Variants in CNPY3 observed in about 807,000 individuals in gnomAD.
CNPY3 encodes canopy FGF signaling regulator 3.
A neutral mutation model predicts 32.0 loss-of-function variants in CNPY3; 20 were observed. The ratio of observed to expected loss-of-function variants is 0.63; its 90% CI spans 0.44 to 0.91. The LOEUF (loss-of-function observed/expected upper bound fraction) is 0.91, where lower values mean the gene tolerates loss of function less well. Ranked by LOEUF, CNPY3 falls within the 40% of genes least tolerant of loss-of-function variation. The pLI is 0.00. For synonymous variants in CNPY3, 138 were observed against 142.9 expected (o/e 0.97, Z 0.24); for missense variants, 299 against 340.8 (o/e 0.88, Z 0.97).
At chr6:42,937,507 T>G (rs1768315056) in intron 3 of CNPY3, among the ~76,000 whole-genome samples, 1 of 151,396 alleles carries the variant, frequency 6.6e-6, no homozygotes, top group Non-Finnish European at 1.5e-5. Flanking sequence ...AGCAGGAAAA[T>G]CGCTTGAACC....
rs893968032 is a variant in CNPY3 at position 42,929,650 on chromosome 6, C to T, written c.80C>T (p.Ala27Val). ...LLLLLLLLLP[A>V]PELGPSQAGA... The stretch of plus-strand genomic sequence containing the variant: ...CTGCTGCTGCTGCTGCTGCTGCCGG[C>T]CCCGGAGCTGGGCCCGAGCCAGGCC... The change falls in exon 1 of 6, where the codon GCC becomes GTC. Residue 27 changes from alanine to valine, a missense_variant. Coordinates refer to ENST00000372836, the MANE Select transcript of CNPY3 (RefSeq NM_006586.5). The T allele has an allele frequency of 2.3e-5, 36 of 1,553,738 alleles. No homozygotes were observed. The highest frequency in any genetic ancestry group is 3.0e-5 in the Non-Finnish European group (35 of 1,149,374).
At position 42,937,974 on chromosome 6, in the gene CNPY3, C is replaced by T. The variant is rs1028466596; in HGVS notation, c.496-116C>T. 17 of 1,459,530 alleles carry T rather than the reference C, an allele frequency of 1.2e-5. No individual in the cohort carries two copies. The African/African-American group carries it at 1.8e-4, about 16-fold the overall frequency. The allele number at this position is 1,459,530 out of a possible 1,614,324, so 90.4% of individuals were successfully genotyped here. On this transcript the variant is annotated intron_variant, in intron 4 of 5. Coordinates refer to ENST00000372836, the MANE Select transcript of CNPY3 (RefSeq NM_006586.5). ...ATTTCACCTCTCTGGCCTCAGTTTC[C>T]TTAGGTGAACCGCTGCCACTGCCTA...
At position 42,938,768 on chromosome 6, in the gene CNPY3, C is replaced by A; in HGVS notation, c.814C>A (p.His272Asn). The A allele has an allele frequency of 6.2e-7, 1 of 1,612,454 alleles. No homozygotes were observed. The highest frequency in any genetic ancestry group is 1.1e-5 in the South Asian group (1 of 90,844). The change falls in exon 6 of 6, where the codon CAC (histidine) becomes AAC (asparagine). Residue 272 changes from histidine to asparagine, a missense_variant. By Grantham distance (68) the His-to-Asn change is moderately conservative. Around this residue, in one of 2 missense-constraint regions of CNPY3, gnomAD observed 211 missense variants for 278.3 expected, o/e 0.76. Transcript: ENST00000372836. ...EGIQKASPLT[H>N]SPPDEL is the part of the protein sequence containing the mutation. ...CATCCAGAAGGCATCCCCTCTCACA[C>A]ACAGCCCCCCTGATGAGCTCTGAGC...
Position 42,935,661 on chromosome 6 carries a change from AT to A in CNPY3, c.366del (p.Phe122LeufsTer23). 1 of 1,608,700 alleles carries A rather than the reference AT, an allele frequency of 6.2e-7. No homozygotes were observed. The highest frequency in any genetic ancestry group is 2.2e-5 in the East Asian group (1 of 44,772). ...LHKERTGSNR[F>X]AKGMSETFET... ...ACAAGGAGAGGACCGGCAGCAATCGATTTGCCAAGGTTGGATTCGGGATTGT... is the reference window on the plus strand; with the variant it reads ...ACAAGGAGAGGACCGGCAGCAATCGATTGCCAAGGTTGGATTCGGGATTGT... On this transcript the variant is annotated frameshift_variant, in exon 3 of 6. Coordinates refer to ENST00000372836, the MANE Select transcript of CNPY3 (RefSeq NM_006586.5). LOFTEE classifies it high-confidence loss of function.
upstream of CNPY3, chr6:42,929,146 T>C (rs1402012400): frequency 6.1e-6 from 1 of 163,630 alleles, no homozygotes; most frequent in Non-Finnish European, 1.3e-5. Flanking sequence ...AAGACGGCCT[T>C]CCCCACATCT....
Position 42,935,007 on chromosome 6 carries a change from G to A in CNPY3, c.275+409G>A, listed in dbSNP as rs150798172. ...AGCCTCCCAAGTAGCTGGGATTACA[G>A]GCATGTGCCATCACGCCCAGCTAAT... On this transcript the variant is annotated intron_variant, in intron 2 of 5. Coordinates refer to ENST00000372836, the MANE Select transcript of CNPY3 (RefSeq NM_006586.5). 2.4e-4 allele frequency among the ~76,000 whole-genome samples: 37 copies of A among 152,296 alleles called. No individual in the cohort carries two copies. The East Asian group carries it at 6.4e-3, about 26-fold the overall frequency.
At chr6:42,938,417 C>A (rs567029912) in intron 5 of CNPY3, 151 bp from the exon 6 acceptor site, 23 of 825,680 alleles carry the variant, frequency 2.8e-5, no homozygotes, top group East Asian at 2.6e-4. Context: ...CCCAGAGGGG[C>A]CTGGTGGCCA....
intron 3 of CNPY3, among the ~76,000 whole-genome samples, chr6:42,937,368 T>C (rs2114180309): frequency 6.6e-6 from 1 of 152,016 alleles, no homozygotes; most frequent in African/African-American, 2.4e-5. Flanking sequence ...TTTGGGAGGC[T>C]GAGGTGAGTG....
At chr6:42,930,243 C>T (rs760715590) in intron 1 of CNPY3, among the ~76,000 whole-genome samples, 23 of 152,150 alleles carry the variant, frequency 1.5e-4, no homozygotes, top group Non-Finnish European at 2.1e-4. Context: ...CTAAGACTTT[C>T]CCCTTTTGCC....
chr6:42,938,440 G>A, intron 5 of CNPY3, 128 bp from the exon 6 acceptor site: 1 of 938,574 alleles, frequency 1.1e-6, no homozygotes, highest in South Asian at 1.7e-5. Context: ...GCGAGAGGCA[G>A]GAGGCAGGGA....
In CNPY3 at chr6:42,938,838, G is replaced by A; in HGVS notation, c.*47G>A. ...CTGAGACCCCTGATTTTGAAGCTGA[G>A]GAGTCAGGGGCATGGCTCTGGCAGG... On this transcript the variant is annotated 3_prime_UTR_variant, in exon 6 of 6. Transcript: ENST00000372836. 1 of 1,513,154 alleles carries A rather than the reference G, an allele frequency of 6.6e-7. No individual in the cohort carries two copies. Among genetic ancestry groups the A allele is most frequent in the Non-Finnish European group, 8.9e-7 (1 of 1,125,734 alleles). The allele number at this position is 1,513,154 out of a possible 1,614,324, so 93.7% of individuals were successfully genotyped here.
chr6:42,932,579 A>G (rs180954115), intron 1 of CNPY3, among the ~76,000 whole-genome samples: 2 of 152,298 alleles, frequency 1.3e-5, no homozygotes, highest in Non-Finnish European at 2.9e-5. Context: ...AGGATGTTCC[A>G]AACCTCCCCT....
Position 42,938,184 on chromosome 6 carries a change from A to G in CNPY3, c.590A>G (p.His197Arg). The change falls in exon 5 of 6, where the codon CAC becomes CGC. Residue 197 changes from histidine to arginine, a missense_variant. This residue lies in a region of CNPY3 where 211 missense variants were observed against 278.3 expected (regional missense o/e 0.76). Coordinates refer to ENST00000372836, the MANE Select transcript of CNPY3 (RefSeq NM_006586.5). ...CTGACTGAATTCCTCTGCGCCAACC[A>G]CGTGCTGAAGGGAAAAGACACCAGT... ...EDLTEFLCANHVLKGKDTSCL... is the reference protein window; with the variant it reads ...EDLTEFLCANRVLKGKDTSCL... 1 of 1,614,034 alleles carries G rather than the reference A, an allele frequency of 6.2e-7. No individual in the cohort carries two copies.
intron 2 of CNPY3, among the ~76,000 whole-genome samples, chr6:42,935,208 C>T (rs1768131647): frequency 1.3e-5 from 2 of 152,088 alleles, no homozygotes; most frequent in African/African-American, 4.8e-5. Flanking sequence ...GGATTACCAG[C>T]TTTTTATTTT....
chr6:42,935,340 A>C (rs1304279067), intron 2 of CNPY3: 1 of 777,508 alleles, frequency 1.3e-6, no homozygotes, highest in Non-Finnish European at 1.6e-6. Context: ...CTAAATACTG[A>C]ATCATTTAGC....
At chr6:42,929,328 A>T, upstream of CNPY3, 1 of 540,156 alleles carries the variant, frequency 1.9e-6, no homozygotes, top group Admixed American at 3.3e-5. Context: ...GGGCGTAAAA[A>T]GATAGTCTTC....
In CNPY3 at chr6:42,938,801, G is replaced by C; in HGVS notation, c.*10G>C. The C allele has an allele frequency of 6.3e-7, 1 of 1,581,874 alleles. No homozygotes were observed. Reference sequence around the variant, plus strand: ...CCCTGATGAGCTCTGAGCCCACCCAGCATCCTCTGTCCTGAGACCCCTGAT... The same window carrying C: ...CCCTGATGAGCTCTGAGCCCACCCACCATCCTCTGTCCTGAGACCCCTGAT... On this transcript the variant is annotated 3_prime_UTR_variant, in exon 6 of 6. Coordinates refer to ENST00000372836, the MANE Select transcript of CNPY3 (RefSeq NM_006586.5).
intron 1 of CNPY3, among the ~76,000 whole-genome samples, chr6:42,933,800 A>G (rs1377863264): frequency 6.6e-6 from 1 of 152,248 alleles, no homozygotes; most frequent in African/African-American, 2.4e-5. Flanking sequence ...GTGGCAAACT[A>G]TTAACAACTG....
Position 42,939,056 on chromosome 6 carries a change from G to T in CNPY3, c.*265G>T, listed in dbSNP as rs542399759. ...TGGTTTCAGGACTGCAAGGACTCCA[G>T]TGTGAACTCAGGAGGGGCAGGTGTC... On this transcript the variant is annotated 3_prime_UTR_variant, in exon 6 of 6. Coordinates refer to ENST00000372836, the MANE Select transcript of CNPY3 (RefSeq NM_006586.5). 2.4e-6 allele frequency: 3 copies of T among 1,255,118 alleles called. No individual in the cohort carries two copies. The African/African-American group carries it at 4.6e-5, about 19-fold the overall frequency. The allele number at this position is 1,255,118 out of a possible 1,614,324, so 77.7% of individuals were successfully genotyped here. A position where few individuals can be genotyped will look rare whatever the true frequency, so the allele number is the denominator to read the frequency against.
Sources: gnomAD v4.1 joint callset for allele counts (sites outside exome capture counted in the v4.1 genomes callset) on GRCh38, gnomAD v4.1.1 for gene constraint, gnomAD v4.1.1 regional missense constraint, MANE v1.5 for transcripts, NCBI Gene and HGNC (gene_info 2026-07-23, HGNC 2026-07-21) for gene names.